The following IL1RAPL2 variants were observed in gnomAD, a reference collection of about 807,000 sequenced individuals.
IL1RAPL2 encodes the protein X-linked interleukin-1 receptor accessory protein-like 2.
A neutral mutation model predicts 44.1 loss-of-function variants in IL1RAPL2; 3 were observed. The observed-to-expected ratio is 0.07, with a 90% CI of 0.03 to 0.18. IL1RAPL2 has a LOEUF of 0.18. Ranked by LOEUF, IL1RAPL2 falls within the 10% of genes least tolerant of loss-of-function variation. The pLI is 1.00. For synonymous variants in IL1RAPL2, 181 were observed against 178.8 expected (o/e 1.01, Z -0.10); for missense variants, 391 against 496.4 (o/e 0.79, Z 2.02).
chrX:105,436,034 A>G (rs1482444455), intron 5 of IL1RAPL2, among the ~76,000 whole-genome samples: 1 of 111,424 alleles, frequency 9.0e-6, no homozygotes. Flanking sequence ...CTGCACATGT[A>G]TCCCAGAACT....
chrX:105,286,054 T>C (rs1374965609), intron 5 of IL1RAPL2, among the ~76,000 whole-genome samples: 1 of 111,706 alleles, frequency 9.0e-6, no homozygotes. Flanking sequence ...TTAATGATTG[T>C]ATGCATTACA....
intron 6 of IL1RAPL2, among the ~76,000 whole-genome samples, chrX:105,551,376 G>A (rs1342848809): frequency 9.1e-6 from 1 of 109,439 alleles, no homozygotes; most frequent in African/African-American, 3.3e-5. Context: ...AGGTAAATGA[G>A]GCCTTTAACT....
At chrX:105,474,499 C>T (rs1437455398) in intron 5 of IL1RAPL2, among the ~76,000 whole-genome samples, 1 of 112,014 alleles carries the variant, frequency 8.9e-6, no homozygotes, top group Non-Finnish European at 1.9e-5. Flanking sequence ...TTTATACCTC[C>T]GTTTCTTCTA....
chrX:104,791,293 T>C (rs1932825292), intron 2 of IL1RAPL2, among the ~76,000 whole-genome samples: 1 of 92,409 alleles, frequency 1.1e-5, no homozygotes, highest in South Asian at 5.9e-4. Context: ...AAGGAAGAAG[T>C]AGCAGCCTAG....
chrX:105,099,830 G>A (rs182871527), intron 2 of IL1RAPL2, among the ~76,000 whole-genome samples: 1 of 110,192 alleles, frequency 9.1e-6, no homozygotes, highest in East Asian at 2.9e-4. Flanking sequence ...ACAGCACCAA[G>A]CCATTCATGA....
chrX:105,536,740 G>A (rs1414804872), intron 6 of IL1RAPL2, among the ~76,000 whole-genome samples: 1 of 111,990 alleles, frequency 8.9e-6, no homozygotes, highest in African/African-American at 3.2e-5. Context: ...CTCAGCAACA[G>A]TGTATTAGCA....
chrX:105,393,215 A>G (rs963534195), intron 5 of IL1RAPL2, among the ~76,000 whole-genome samples: 2 of 110,046 alleles, frequency 1.8e-5, no homozygotes, highest in Non-Finnish European at 3.8e-5. Flanking sequence ...TGGGAATGCA[A>G]TCATAGGAGT....
At chrX:104,928,493 T>C (rs1924823865) in intron 2 of IL1RAPL2, among the ~76,000 whole-genome samples, 1 of 111,501 alleles carries the variant, frequency 9.0e-6, no homozygotes. Context: ...GGAGCCATGT[T>C]GTTTCTCTGT....
At chrX:105,539,532 A>G (rs5962543) in intron 6 of IL1RAPL2, among the ~76,000 whole-genome samples, 39,358 of 110,656 alleles carry the variant, frequency 0.36, 5,700 homozygotes, top group South Asian at 0.49. Flanking sequence ...CTCAAGATGG[A>G]TTAAAGATTT....
chrX:105,501,725 A>C (rs969167227), intron 6 of IL1RAPL2, among the ~76,000 whole-genome samples: 6 of 112,215 alleles, frequency 5.3e-5, no homozygotes, highest in African/African-American at 1.6e-4. Flanking sequence ...ACAGTGGCTT[A>C]ACGTAAGAAA....
At chrX:104,582,807 T>C (rs376245430) in intron 1 of IL1RAPL2, among the ~76,000 whole-genome samples, 6 of 85,841 alleles carry the variant, frequency 7.0e-5, no homozygotes, top group African/African-American at 2.4e-4. Context: ...CTCTCTCTCT[T>C]TCTCTCCTTT....
Position 104,890,795 on chromosome X carries a change from T to C in IL1RAPL2, c.82+231800T>C, listed in dbSNP as rs538351706. On this transcript the variant is annotated intron_variant, in intron 2 of 10. Transcript: ENST00000372582. ...TTTCTTTTGCCGTGCAGAAGCTCTT[T>C]AGTTTAATTAGATCCCATTTGTCAA... 1.4e-3 allele frequency among the ~76,000 whole-genome samples: 158 copies of C among 112,058 alleles called. 1 individual carries two copies. The highest frequency in any genetic ancestry group is 4.7e-3 in the African/African-American group (146 of 30,886).
At chrX:105,099,892 T>C (rs762533283) in intron 2 of IL1RAPL2, among the ~76,000 whole-genome samples, 5 of 110,375 alleles carry the variant, frequency 4.5e-5, no homozygotes, top group East Asian at 5.8e-4. Context: ...ACCTCCAATA[T>C]TGGGGATTAC....
chrX:105,038,152 T>A (rs2031661679), intron 2 of IL1RAPL2, among the ~76,000 whole-genome samples: 1 of 111,211 alleles, frequency 9.0e-6, no homozygotes, highest in Non-Finnish European at 1.9e-5. Context: ...AGGCCCACAC[T>A]TCTGGCTTCA....
At chrX:105,264,518 C>T (rs916607886) in intron 4 of IL1RAPL2, among the ~76,000 whole-genome samples, 1 of 110,968 alleles carries the variant, frequency 9.0e-6, no homozygotes, top group Non-Finnish European at 1.9e-5. Flanking sequence ...GAACCAAGAG[C>T]CTGGAAGACT....
intron 5 of IL1RAPL2, among the ~76,000 whole-genome samples, chrX:105,282,245 T>C (rs2147664317): frequency 8.9e-6 from 1 of 112,199 alleles, no homozygotes; most frequent in East Asian, 2.8e-4. Flanking sequence ...AGGACAAGCA[T>C]GTTGAGGAAA....
At chrX:105,228,545 T>C (rs1272535576) in intron 3 of IL1RAPL2, among the ~76,000 whole-genome samples, 1 of 112,460 alleles carries the variant, frequency 8.9e-6, no homozygotes, top group African/African-American at 3.2e-5. Flanking sequence ...CCCTTAGAAA[T>C]ACATCTGGGT....
intron 6 of IL1RAPL2, among the ~76,000 whole-genome samples, chrX:105,618,881 A>G (rs1243760200): frequency 1.8e-5 from 2 of 111,380 alleles, no homozygotes; most frequent in African/African-American, 6.5e-5. Flanking sequence ...TCAACAAAAG[A>G]CTTATTGTCC....
chrX:105,138,473 C>CAAAAAAAAAA (rs371757842), intron 2 of IL1RAPL2, among the ~76,000 whole-genome samples: 2 of 54,481 alleles, frequency 3.7e-5, no homozygotes, highest in African/African-American at 6.9e-5. Context: ...ATATAATTAC[C>CAAAAAAAAAA]AAAAAAAAAA....
Sources: gnomAD v4.1 joint callset for allele counts (sites outside exome capture counted in the v4.1 genomes callset) on GRCh38, gnomAD v4.1.1 for gene constraint, MANE v1.5 for transcripts, NCBI Gene and HGNC (gene_info 2026-07-23, HGNC 2026-07-21) for gene names.